MADD: variants seen among roughly 807,000 people sequenced by gnomAD.
MADD encodes MAP kinase-activating death domain protein.
Under a neutral mutation model 176.7 loss-of-function variants are expected in MADD, and 109 were observed. That is an observed-to-expected ratio of 0.62 (90% CI 0.53 to 0.72). MADD has a LOEUF of 0.72. MADD is among the 30% of genes least tolerant of loss of function. The pLI is 0.00. For synonymous variants in MADD, 771 were observed against 771.3 expected (o/e 1.00, Z 0.01); for missense variants, 1,914 against 2,045.5 (o/e 0.94, Z 1.24).
At chr11:47,324,121 T>C in intron 28 of MADD, 144 bp from the exon 32 acceptor site, 1 of 717,886 alleles carries the variant, frequency 1.4e-6, no homozygotes, top group Non-Finnish European at 2.4e-6. Context: ...ACCTCAACAA[T>C]GAATAAGACA....
rs2095375562 is a variant in MADD, at chr11:47,325,711, TG to T, written c.4543-1023del. 6.6e-6 allele frequency among the ~76,000 whole-genome samples: 1 copy of T among 152,254 alleles called. No individual in the cohort carries two copies. The highest frequency in any genetic ancestry group is 2.1e-4 in the South Asian group (1 of 4,834). On this transcript the variant is annotated intron_variant, in intron 30 of 32. Transcript: ENST00000402192. The surrounding 1 kb of genome is among the most constrained non-coding windows in gnomAD (Gnocchi z 4.5). The stretch of plus-strand genomic sequence containing the variant: ...GGACCACAAAGGTGTCAGTACTTCT[TG>T]GGGAGCAGACTTCTGACCACATTTT...
At chr11:47,304,140 C>T (rs2080474323) in intron 22 of MADD, among the ~76,000 whole-genome samples, 1 of 151,872 alleles carries the variant, frequency 6.6e-6, no homozygotes, top group Non-Finnish European at 1.5e-5. Context: ...AACTTTTTTC[C>T]CTCTGACTAA....
chr11:47,324,931 T>A, intron 30 of MADD: 1 of 598,360 alleles, frequency 1.7e-6, no homozygotes, highest in Non-Finnish European at 3.0e-6. Flanking sequence ...ATGCTTCTGC[T>A]TGGTGGTTTT....
At chr11:47,293,844 C>G (rs2067707354) in intron 19 of MADD, 39 bp from the exon 22 acceptor site, 1 of 1,364,256 alleles carries the variant, frequency 7.3e-7, no homozygotes. Flanking sequence ...CTGCCCCTAG[C>G]CTTTGTGCAC....
intron 1 of MADD, chr11:47,272,006 A>G (rs989524935): frequency 6.6e-6 from 1 of 152,228 alleles, no homozygotes; most frequent in African/African-American, 2.4e-5. Context: ...GTGGTGTTCT[A>G]GAGATATCAC....
chr11:47,306,297 TTGG>T (rs1372795251), intron 22 of MADD, among the ~76,000 whole-genome samples: 1 of 152,154 alleles, frequency 6.6e-6, no homozygotes, highest in African/African-American at 2.4e-5. Context: ...GAGTGGTTTG[TTGG>T]TGGCTTAGCC....
chr11:47,320,465 T>A (rs1387636492), intron 27 of MADD, among the ~76,000 whole-genome samples: 1 of 149,350 alleles, frequency 6.7e-6, no homozygotes, highest in African/African-American at 2.5e-5. Flanking sequence ...AAAAAAAAAA[T>A]TTAAAAAAAT....
rs11039178 is a variant in MADD at position 47,319,744 on chromosome 11, A to C, written c.4198-3927A>C. Among the ~76,000 whole-genome samples, 1,362 of 152,314 alleles carry C rather than the reference A, an allele frequency of 8.9e-3. 23 individuals carry two copies. The highest frequency in any genetic ancestry group is 0.031 in the African/African-American group (1,270 of 41,578). ...GCTCACATGAGCCTGTAATCCCAGC[A>C]CATTGGGAGGCCGAGGCAGGTGGAT... is the stretch of plus-strand genomic sequence containing the variant. On this transcript the variant is annotated intron_variant, in intron 27 of 32. Coordinates refer to ENST00000402192, the Ensembl canonical transcript of MADD.
At chr11:47,282,327 C>A in intron 8 of MADD, 54 bp from the exon 9 acceptor site, 1 of 1,469,688 alleles carries the variant, frequency 6.8e-7, no homozygotes, top group Non-Finnish European at 9.5e-7. Flanking sequence ...GACTTTGGAT[C>A]ATGGGAATCC....
chr11:47,323,833 A>C, exon 28 of MADD: 4 of 1,614,036 alleles, frequency 2.5e-6, no homozygotes, highest in Non-Finnish European at 3.4e-6. Context: ...CTATACTAAA[A>C]AGGTACGCAG....
intron 9 of MADD, 28 bp downstream of exon 9, chr11:47,282,644 C>T (rs1353979028): frequency 3.1e-6 from 5 of 1,608,386 alleles, no homozygotes; most frequent in Non-Finnish European, 4.3e-6. Flanking sequence ...CTGCTCCGCT[C>T]TGCCTTGTGC....
intron 22 of MADD, among the ~76,000 whole-genome samples, chr11:47,302,276 C>T (rs1472364445): frequency 1.3e-5 from 2 of 152,108 alleles, no homozygotes; most frequent in African/African-American, 2.4e-5. Context: ...TGCAGTGGCG[C>T]AATCTCCGCT....
chr11:47,307,512 A>G (rs2083858632), intron 22 of MADD, among the ~76,000 whole-genome samples: 1 of 152,218 alleles, frequency 6.6e-6, no homozygotes, highest in Non-Finnish European at 1.5e-5. Context: ...TTGGGCTGTG[A>G]ACCAGGAGAC....
intron 20 of MADD, 92 bp from the exon 23 acceptor site, chr11:47,295,403 TG>T: frequency 2.1e-6 from 2 of 966,474 alleles, no homozygotes; most frequent in Non-Finnish European, 3.3e-6. Context: ...AACAGAAGGG[TG>T]GGGATGAGGA....
At chr11:47,304,393 G>A (rs1036544748) in intron 22 of MADD, among the ~76,000 whole-genome samples, 5 of 151,984 alleles carry the variant, frequency 3.3e-5, no homozygotes, top group Non-Finnish European at 5.9e-5. Context: ...ACCACACCTG[G>A]CTAATTTTGT....
chr11:47,292,506 C>G, intron 19 of MADD, 37 bp from the exon 21 acceptor site: 2 of 1,604,124 alleles, frequency 1.2e-6, no homozygotes, highest in Non-Finnish European at 1.7e-6. Flanking sequence ...CTCTGACTTT[C>G]TGTCTTTCTC....
rs144025486 is a variant in MADD, at chr11:47,321,441, C to T, written c.4198-2230C>T. Among the ~76,000 whole-genome samples the T allele has an allele frequency of 4.3e-3, 661 of 152,244 alleles. 3 individuals are homozygous for T. Among genetic ancestry groups the T allele is most frequent in the Non-Finnish European group, 7.1e-3 (483 of 68,030 alleles). On this transcript the variant is annotated intron_variant, in intron 27 of 32. Transcript: ENST00000402192. ...TCACTCACCTAATATTTGTGGAGCA[C>T]GTATTATATGCTAGGTACTTTGTTG...
chr11:47,314,372 G>A (rs1565522493), intron 26 of MADD, among the ~76,000 whole-genome samples: 2 of 152,184 alleles, frequency 1.3e-5, no homozygotes, highest in African/African-American at 4.8e-5. Flanking sequence ...ACCATGTCTG[G>A]CCTAAATGGA....
At position 47,328,332 on chromosome 11, in the gene MADD, A is replaced by G. The variant is rs1182131955; in HGVS notation, c.4613-326A>G. The G allele has an allele frequency of 6.3e-6, 8 of 1,266,596 alleles. No individual in the cohort carries two copies. In the Admixed American group the frequency reaches 1.8e-4, roughly 28 times the overall value. 78.5% of individuals were successfully genotyped at this position (1,266,596 alleles called of 1,614,324 possible). On this transcript the variant is annotated intron_variant, in intron 31 of 32. Coordinates refer to ENST00000402192, the Ensembl canonical transcript of MADD. ...CTGCAGCTCCTCAGGGGCCCTGGACAGTAGCTGTGACCAGGCTGGTGAAAG... is the reference window on the plus strand; with the variant it reads ...CTGCAGCTCCTCAGGGGCCCTGGACGGTAGCTGTGACCAGGCTGGTGAAAG...
Sources: gnomAD v4.1 joint callset for allele counts (sites outside exome capture counted in the v4.1 genomes callset) on GRCh38, gnomAD v4.1.1 for gene constraint, Gnocchi (gnomAD v3.1) non-coding constraint, MANE v1.5 for transcripts, NCBI Gene and HGNC (gene_info 2026-07-23, HGNC 2026-07-21) for gene names.